The following TMEM132D variants were observed in gnomAD, a reference collection of about 807,000 sequenced individuals.
The protein encoded by TMEM132D is mature OL transmembrane protein.
A neutral mutation model predicts 62.3 loss-of-function variants in TMEM132D; 21 were observed. The ratio of observed to expected loss-of-function variants is 0.34; its 90% CI spans 0.24 to 0.49. TMEM132D has a LOEUF of 0.49. Ranked by LOEUF, TMEM132D falls within the 20% of genes least tolerant of loss-of-function variation. TMEM132D has a pLI of 0.99. For missense variants in TMEM132D, 1,346 were observed against 1,402.8 expected (o/e 0.96, Z 0.65); for synonymous variants, 621 against 575.6 (o/e 1.08, Z -1.13).
intron 5 of TMEM132D, among the ~76,000 whole-genome samples, chr12:129,116,650 T>A (rs1235995737): frequency 6.6e-6 from 1 of 152,192 alleles, no homozygotes; most frequent in Non-Finnish European, 1.5e-5. Flanking sequence ...CTCAATGTTG[T>A]ATATATCACC....
chr12:129,275,144 G>A (rs150980960), intron 4 of TMEM132D, among the ~76,000 whole-genome samples: 17 of 152,084 alleles, frequency 1.1e-4, no homozygotes, highest in African/African-American at 3.4e-4. Context: ...GCCAGGTGTC[G>A]TGGCACACAG....
chr12:129,604,711 C>A (rs1412903001), intron 2 of TMEM132D, among the ~76,000 whole-genome samples: 2 of 152,214 alleles, frequency 1.3e-5, no homozygotes, highest in Non-Finnish European at 2.9e-5. Flanking sequence ...TCCTTCCCCT[C>A]ATGCCTGAAG....
Position 129,626,787 on chromosome 12 carries a change from T to A in TMEM132D, c.968+73023A>T, listed in dbSNP as rs569169631. Among the ~76,000 whole-genome samples, 3 of 152,240 alleles carry A rather than the reference T, an allele frequency of 2.0e-5. No homozygotes were observed. In the South Asian group the frequency reaches 6.2e-4, roughly 32 times the overall value. Reference sequence around the variant, plus strand: ...ACATTTATTATGGCAATTGTTAAATTGGCTAATGTTTTTTATTTTTAATTT... The same window carrying A: ...ACATTTATTATGGCAATTGTTAAATAGGCTAATGTTTTTTATTTTTAATTT... On this transcript the variant is annotated intron_variant, in intron 2 of 8. Coordinates refer to ENST00000422113, the MANE Select transcript of TMEM132D (RefSeq NM_133448.3).
At chr12:129,897,572 A>T (rs1190063883) in intron 1 of TMEM132D, among the ~76,000 whole-genome samples, 1 of 151,650 alleles carries the variant, frequency 6.6e-6, no homozygotes, top group Non-Finnish European at 1.5e-5. Context: ...AAATAAAAAT[A>T]AAAAAAACAA....
chr12:129,271,281 C>A, intron 4 of TMEM132D, among the ~76,000 whole-genome samples: 1 of 149,652 alleles, frequency 6.7e-6, no homozygotes, highest in East Asian at 1.9e-4. Flanking sequence ...GTCTCAGCTT[C>A]GTAACACCAA....
chr12:129,322,059 G>C (rs1288154967), intron 4 of TMEM132D, among the ~76,000 whole-genome samples: 2 of 151,756 alleles, frequency 1.3e-5, no homozygotes, highest in Admixed American at 1.3e-4. Flanking sequence ...CTTCCAGTAA[G>C]TTATTTTCTT....
intron 4 of TMEM132D, among the ~76,000 whole-genome samples, chr12:129,288,888 T>C (rs1159473522): frequency 6.6e-6 from 1 of 152,208 alleles, no homozygotes; most frequent in East Asian, 1.9e-4. Context: ...CAATGGGATA[T>C]GATTCAGCCT....
intron 3 of TMEM132D, among the ~76,000 whole-genome samples, chr12:129,341,198 G>GCAGTT (rs1869468637): frequency 6.6e-6 from 1 of 152,168 alleles, no homozygotes; most frequent in South Asian, 2.1e-4. Context: ...CAGTTTGTGT[G>GCAGTT]TCTGACAGAT....
intron 1 of TMEM132D, among the ~76,000 whole-genome samples, chr12:129,851,164 T>C (rs1409815583): frequency 6.6e-6 from 1 of 152,210 alleles, no homozygotes; most frequent in African/African-American, 2.4e-5. Context: ...TTCCTATCCA[T>C]AGGGAAAACT....
chr12:129,436,411 G>A lies in TMEM132D; in HGVS notation c.1115+94648C>T, dbSNP rs113175469. 3.5e-3 allele frequency among the ~76,000 whole-genome samples: 528 copies of A among 152,158 alleles called. 4 individuals carry two copies. Among genetic ancestry groups the A allele is most frequent in the African/African-American group, 0.012 (508 of 41,502 alleles). The stretch of plus-strand genomic sequence containing the variant: ...ATAATTATATTTTATTTTATACTCA[G>A]GAGTTTTTAAAACAGGATAATATGG... On this transcript the variant is annotated intron_variant, in intron 3 of 8. Transcript: ENST00000422113.
Position 129,382,787 on chromosome 12 carries a change from A to G in TMEM132D, c.1116-44970T>C, listed in dbSNP as rs553104580. On this transcript the variant is annotated intron_variant, in intron 3 of 8. Transcript: ENST00000422113. ...TGAACACATGTTTAGACCCCAATCTATTGCACTGAGAGCCATATACCCAAA... is the reference window on the plus strand; with the variant it reads ...TGAACACATGTTTAGACCCCAATCTGTTGCACTGAGAGCCATATACCCAAA... Among the ~76,000 whole-genome samples the G allele has an allele frequency of 2.6e-5, 4 of 152,252 alleles. No individual in the cohort carries two copies. The South Asian group carries it at 8.3e-4, about 32-fold the overall frequency.
At chr12:129,092,130 G>C (rs34046727) in intron 5 of TMEM132D, among the ~76,000 whole-genome samples, 2,343 of 152,266 alleles carry the variant, frequency 0.015, 62 homozygotes, top group African/African-American at 0.053. Flanking sequence ...CAGTCACACT[G>C]TTCCGTTATA....
intron 1 of TMEM132D, among the ~76,000 whole-genome samples, chr12:129,879,860 T>A (rs145890246): frequency 2.0e-5 from 3 of 152,022 alleles, no homozygotes; most frequent in Non-Finnish European, 4.4e-5. Flanking sequence ...GAACAGAGCA[T>A]TGAAGACCCT....
chr12:129,744,190 A>G (rs1869700736), intron 1 of TMEM132D, among the ~76,000 whole-genome samples: 1 of 152,230 alleles, frequency 6.6e-6, no homozygotes, highest in South Asian at 2.1e-4. Flanking sequence ...TTAAAACAGT[A>G]TGCAGCTCAT....
intron 2 of TMEM132D, among the ~76,000 whole-genome samples, chr12:129,678,599 G>T (rs760524630): frequency 6.6e-6 from 1 of 151,856 alleles, no homozygotes; most frequent in Non-Finnish European, 1.5e-5. Flanking sequence ...CTAAACTTAC[G>T]GTTTGTCTTT....
At chr12:129,093,638 T>A (rs550099524) in intron 5 of TMEM132D, among the ~76,000 whole-genome samples, 8 of 152,262 alleles carry the variant, frequency 5.3e-5, no homozygotes, top group Admixed American at 5.2e-4. Context: ...CAATGTCATC[T>A]CCATCAAGCT....
intron 6 of TMEM132D, among the ~76,000 whole-genome samples, chr12:129,084,207 C>G (rs1474395517): frequency 6.6e-6 from 1 of 152,096 alleles, no homozygotes; most frequent in East Asian, 1.9e-4. Flanking sequence ...ATAAGGGAGG[C>G]CACAAAATCC....
intron 1 of TMEM132D, among the ~76,000 whole-genome samples, chr12:129,746,741 T>C (rs182636505): frequency 9.9e-5 from 15 of 152,178 alleles, no homozygotes; most frequent in African/African-American, 3.6e-4. Context: ...AGCGACAGTG[T>C]CACGGAAGAG....
At chr12:129,226,448 G>A (rs1478563283) in intron 4 of TMEM132D, among the ~76,000 whole-genome samples, 1 of 152,218 alleles carries the variant, frequency 6.6e-6, no homozygotes, top group Non-Finnish European at 1.5e-5. Context: ...ATTTGCCCCT[G>A]TCTGCCGCGG....
Sources: allele counts gnomAD v4.1 joint callset (sites outside exome capture counted in the v4.1 genomes callset), GRCh38; gene constraint gnomAD v4.1.1; transcripts MANE v1.5; gene names NCBI Gene and HGNC (gene_info 2026-07-23, HGNC 2026-07-21).